CCDC141: variants seen among roughly 807,000 people sequenced by gnomAD.
CCDC141 encodes the protein coiled-coil domain-containing protein 141.
In CCDC141, 168 loss-of-function variants were observed where a neutral mutation model predicts 181.0. The observed-to-expected ratio is 0.93, with a 90% confidence interval of 0.82 to 1.05. The LOEUF is 1.05. Among genes scored for constraint, CCDC141 ranks in the 50% least tolerant of loss-of-function variants. CCDC141 has a pLI of 0.00. For synonymous variants in CCDC141, 666 were observed against 642.3 expected (o/e 1.04, Z -0.56); for missense variants, 1,902 against 1,788.5 (o/e 1.06, Z -1.14).
At chr2:178,983,146 G>A (rs200093310) in intron 2 of CCDC141, among the ~76,000 whole-genome samples, 1 of 152,134 alleles carries the variant, frequency 6.6e-6, no homozygotes, top group Non-Finnish European at 1.5e-5. Flanking sequence ...TCCTCAAGTG[G>A]GTCCCTGACC....
At chr2:178,923,550 C>T (rs1680632921) in intron 6 of CCDC141, among the ~76,000 whole-genome samples, 2 of 152,180 alleles carry the variant, frequency 1.3e-5, no homozygotes, top group South Asian at 4.1e-4. Context: ...TGCTGCCTGC[C>T]TGCGAAGTGT....
Position 178,855,422 on chromosome 2 carries a change from A to T in CCDC141, c.2985T>A (p.Asp995Glu), listed in dbSNP as rs1160406402. The T allele has an allele frequency of 6.2e-7, 1 of 1,612,130 alleles. No homozygotes were observed. The highest frequency in any genetic ancestry group is 1.1e-5 in the South Asian group (1 of 90,612). ...AATCTGTCACAACTTTGTCAAAGTC[A>T]TCCACATGTTTTTGCAAATCCTTCA... is the stretch of plus-strand genomic sequence containing the variant. ...EVMKDLQKHV[D>E]DFDKVVTDYK... The change falls in exon 19 of 24, where the codon GAT becomes GAA. Residue 995 changes from aspartate to glutamate, a missense_variant. Physicochemically the swap from Asp to Glu is conservative, Grantham distance 45. Transcript: ENST00000443758.
intron 2 of CCDC141, among the ~76,000 whole-genome samples, chr2:178,997,981 T>C (rs988869963): frequency 6.6e-6 from 1 of 152,142 alleles, no homozygotes; most frequent in African/African-American, 2.4e-5. Context: ...TCCCCATGGA[T>C]GATCATCAAA....
intron 17 of CCDC141, among the ~76,000 whole-genome samples, chr2:178,863,032 A>T (rs187615540): frequency 7.2e-5 from 11 of 152,342 alleles, no homozygotes; most frequent in Admixed American, 6.5e-4. Flanking sequence ...AAAAAAGAAG[A>T]TATTTAACAT....
chr2:178,936,759 C>T (rs1689306641), intron 6 of CCDC141, among the ~76,000 whole-genome samples: 1 of 152,034 alleles, frequency 6.6e-6, no homozygotes, highest in Non-Finnish European at 1.5e-5. Context: ...TTTGTGTCTT[C>T]TGTGAATTCT....
At chr2:178,945,743 A>T (rs1421902788) in intron 5 of CCDC141, among the ~76,000 whole-genome samples, 2 of 152,182 alleles carry the variant, frequency 1.3e-5, no homozygotes, top group African/African-American at 4.8e-5. Context: ...AAGCAGTCTC[A>T]GGATTTCTCT....
At chr2:178,993,474 A>G (rs1473295720) in intron 2 of CCDC141, among the ~76,000 whole-genome samples, 1 of 152,176 alleles carries the variant, frequency 6.6e-6, no homozygotes, top group Non-Finnish European at 1.5e-5. Flanking sequence ...CATCATGAGA[A>G]CAGCACAGGG....
intron 11 of CCDC141, among the ~76,000 whole-genome samples, chr2:178,878,478 A>ATTT (rs766496516): frequency 0.09 from 10,280 of 114,514 alleles, 1,439 homozygotes; most frequent in East Asian, 0.65. Flanking sequence ...GGCCTGGCTA[A>ATTT]TTTTTTTTTT....
intron 17 of CCDC141, among the ~76,000 whole-genome samples, chr2:178,856,599 C>CT (rs1685401188): frequency 6.8e-6 from 1 of 147,520 alleles, no homozygotes; most frequent in Non-Finnish European, 1.5e-5. Context: ...CTCTCCCTTT[C>CT]TTTTTTTGAG....
intron 9 of CCDC141, among the ~76,000 whole-genome samples, chr2:178,887,575 C>G (rs1310294326): frequency 1.3e-5 from 2 of 152,150 alleles, no homozygotes; most frequent in Non-Finnish European, 2.9e-5. Context: ...CCACTGCCAC[C>G]AAATTAGCTT....
In CCDC141 at chr2:178,869,223, T is replaced by C; in HGVS notation, c.2288A>G (p.Gln763Arg). The C allele has an allele frequency of 6.2e-7, 1 of 1,613,784 alleles. No individual in the cohort carries two copies. Among genetic ancestry groups the C allele is most frequent in the Non-Finnish European group, 8.5e-7 (1 of 1,179,792 alleles). The part of the protein sequence containing the change: ...GRGAPVKEKS[Q>R]QLKDLIHFHQ... ...GAAGTGAATAAGGTCCTTCAGTTGT[T>C]GAGACTTTTCTTTTACAGGGGCTCC... The change falls in exon 15 of 24, where the codon CAA becomes CGA. Residue 763 changes from glutamine (Q) to arginine (R), a missense_variant. Gln to Arg is a conservative substitution (Grantham distance 43). Transcript: ENST00000443758.
intron 6 of CCDC141, among the ~76,000 whole-genome samples, chr2:178,923,818 G>A (rs1007614148): frequency 8.5e-5 from 13 of 152,230 alleles, no homozygotes; most frequent in Admixed American, 5.2e-4. Context: ...ATTTCCTGAG[G>A]AAATTGAGCT....
rs1468950363 is a variant in CCDC141 at position 178,885,462 on chromosome 2, T to C, written c.1528-370A>G. ...CAATACCTCCAGCAAATTCCTAAAC[T>C]AATTTTATTATATGAGATGGCAAAT... On this transcript the variant is annotated intron_variant, in intron 10 of 23. Coordinates refer to ENST00000443758, the MANE Select transcript of CCDC141 (RefSeq NM_173648.4). Among the ~76,000 whole-genome samples the C allele has an allele frequency of 3.9e-5, 6 of 152,218 alleles. 1 individual carries two copies. Among genetic ancestry groups the C allele is most frequent in the Non-Finnish European group, 7.3e-5 (5 of 68,044 alleles).
chr2:178,897,569 T>C (rs907222441), intron 8 of CCDC141, among the ~76,000 whole-genome samples: 20 of 152,178 alleles, frequency 1.3e-4, no homozygotes, highest in Non-Finnish European at 1.2e-4. Context: ...AAATATTCAG[T>C]TAGGATGAGG....
At chr2:178,956,091 G>A (rs887324059) in intron 5 of CCDC141, among the ~76,000 whole-genome samples, 1 of 152,108 alleles carries the variant, frequency 6.6e-6, no homozygotes, top group African/African-American at 2.4e-5. Flanking sequence ...GAGCCTCAGG[G>A]AAGTTAAATA....
chr2:178,872,082 G>A, intron 13 of CCDC141, 51 bp downstream of exon 13: 1 of 1,566,980 alleles, frequency 6.4e-7, no homozygotes, highest in African/African-American at 1.4e-5. Context: ...GCTCATGTTA[G>A]CCTGTGTCGG....
Position 178,881,915 on chromosome 2 carries a change from T to TCTCTCA in CCDC141, c.1719+2985_1719+2986insTGAGAG, listed in dbSNP as rs1465946696. ...GTCTCTCTCTCTCTCTCTCTCTCTC[T>TCTCTCA]CACACACACACACACACACACACAC... On this transcript the variant is annotated intron_variant, in intron 11 of 23. Coordinates refer to ENST00000443758, the MANE Select transcript of CCDC141 (RefSeq NM_173648.4). 4.9e-3 allele frequency among the ~76,000 whole-genome samples: 457 copies of TCTCTCA among 92,326 alleles called. 4 individuals are homozygous for TCTCTCA. Among genetic ancestry groups the TCTCTCA allele is most frequent in the African/African-American group, 0.011 (272 of 25,474 alleles). 60.6% of individuals were successfully genotyped at this position (92,326 alleles called of 152,430 possible).
At chr2:178,920,288 T>C (rs964206453) in intron 6 of CCDC141, among the ~76,000 whole-genome samples, 1 of 152,236 alleles carries the variant, frequency 6.6e-6, no homozygotes, top group African/African-American at 2.4e-5. Flanking sequence ...TTACATTTGT[T>C]ATATTACATT....
At chr2:178,828,925 T>C (rs1684168274), downstream of CCDC141, among the ~76,000 whole-genome samples, 1 of 152,178 alleles carries the variant, frequency 6.6e-6, no homozygotes. Flanking sequence ...TCAATAAAGT[T>C]CTTGTAAAAA....
Sources: allele counts gnomAD v4.1 joint callset (sites outside exome capture counted in the v4.1 genomes callset), GRCh38; gene constraint gnomAD v4.1.1; transcripts MANE v1.5; gene names NCBI Gene and HGNC (gene_info 2026-07-23, HGNC 2026-07-21).